Variants in DLG4 observed in about 807,000 individuals in gnomAD.
DLG4 encodes disks large homolog 4.
A neutral mutation model predicts 93.8 loss-of-function variants in DLG4; 7 were observed. The ratio of observed to expected loss-of-function variants is 0.07; its 90% CI spans 0.04 to 0.14. DLG4 has a LOEUF of 0.14. Ranked by LOEUF, DLG4 falls within the 10% of genes least tolerant of loss-of-function variation. The pLI, the probability that DLG4 is intolerant of heterozygous loss-of-function variation, is 1.00. For synonymous variants in DLG4, 341 were observed against 387.6 expected (o/e 0.88, Z 1.41); for missense variants, 545 against 992.9 (o/e 0.55, Z 6.06).
At chr17:7,202,790 C>T (rs1318599507) in intron 8 of DLG4, 113 bp downstream of exon 8, 2 of 1,332,896 alleles carry the variant, frequency 1.5e-6, no homozygotes, top group South Asian at 2.6e-5. Context: ...GAGGTTGTGG[C>T]TATTTCATAG....
Position 7,187,434 on chromosome 17 carries a change from T to C in DLG4, c.*3274A>G, listed in dbSNP as rs1333722422. Among the ~76,000 whole-genome samples the C allele has an allele frequency of 6.6e-6, 1 of 151,152 alleles. No homozygotes were observed. The highest frequency in any genetic ancestry group is 1.5e-5 in the Non-Finnish European group (1 of 67,922). ...GGTGGCATGCACCTGTAATCCCAGC[T>C]ACTCGGGAGGCTGAGGCAGGAGAAT... On this transcript the variant is annotated 3_prime_UTR_variant, in exon 20 of 20. Coordinates refer to ENST00000399506, the MANE Select transcript of DLG4 (RefSeq NM_001321075.3).
Position 7,191,930 on chromosome 17 carries a change from C to T in DLG4, c.1939G>A (p.Ala647Thr). Residue 647 changes from alanine (A) to threonine (T), a missense_variant, in exon 18 of 20, where the codon GCC (alanine) becomes ACC (threonine). By Grantham distance (58) the Ala-to-Thr change is moderately conservative. Coordinates refer to ENST00000399506, the MANE Select transcript of DLG4 (RefSeq NM_001321075.3). This position sits in a 1 kb window ranked among gnomAD's most constrained non-coding sequence, Gnocchi z 6.6. ...AGGGAGCGGGGGCGGATGAAGATGG[C>T]GATGGGGTGCAGGTGGGCCGCCTGC... ...RLQAAHLHPI[A>T]IFIRPRSLEN... is the part of the protein sequence containing the mutation. The T allele has an allele frequency of 2.7e-6, 4 of 1,493,354 alleles. No individual in the cohort carries two copies. Among genetic ancestry groups the T allele is most frequent in the South Asian group, 2.8e-5 (2 of 72,672 alleles). The allele number at this position is 1,493,354 out of a possible 1,614,324, so 92.5% of individuals were successfully genotyped here.
chr17:7,189,627 C>T lies in DLG4; in HGVS notation c.*1081G>A, dbSNP rs1306893880. 2.0e-5 allele frequency among the ~76,000 whole-genome samples: 3 copies of T among 152,182 alleles called. No homozygotes were observed. The highest frequency in any genetic ancestry group is 4.8e-5 in the African/African-American group (2 of 41,450). On this transcript the variant is annotated 3_prime_UTR_variant, in exon 20 of 20. Coordinates refer to ENST00000399506, the MANE Select transcript of DLG4 (RefSeq NM_001321075.3). ...GCTTCCCAACAGGACTGAGACAGCC[C>T]GGCAGGGATCAGAGCTGGACTAAGT...
intron 8 of DLG4, among the ~76,000 whole-genome samples, chr17:7,199,273 C>G (rs1440966138): frequency 6.6e-6 from 1 of 151,884 alleles, no homozygotes; most frequent in Admixed American, 6.6e-5. Context: ...GATCTTGGCT[C>G]ACTGCAACCT....
In DLG4 at chr17:7,217,285, GA is replaced by G. The variant is rs1274709888; in HGVS notation, c.-139del. On this transcript the variant is annotated 5_prime_UTR_variant, in exon 1 of 20. Transcript: ENST00000399506. The stretch of plus-strand genomic sequence containing the variant: ...GGGGCCAGGATGGGGGGAGGGGTGA[GA>G]GGGGAAGGAGGGGGTTGGAGAAGGG... 3.1e-5 allele frequency: 32 copies of G among 1,048,932 alleles called. No homozygotes were observed. Among genetic ancestry groups the G allele is most frequent in the Admixed American group, 4.7e-5 (1 of 21,450 alleles). 65.0% of individuals were successfully genotyped at this position (1,048,932 alleles called of 1,614,324 possible).
chr17:7,191,130 G>T lies in DLG4; in HGVS notation c.2068+137C>A. ...GATTACAGGTGCCCGCCAGTGCTGG[G>T]ATTACAGGCGTGAGCCACCATGCCG... On this transcript the variant is annotated intron_variant, in intron 19 of 19. Transcript: ENST00000399506. The surrounding 1 kb of genome is among the most constrained non-coding windows in gnomAD (Gnocchi z 6.6). The T allele has an allele frequency of 1.3e-6, 1 of 761,320 alleles. No homozygotes were observed. The highest frequency in any genetic ancestry group is 2.2e-6 in the Non-Finnish European group (1 of 456,528). The allele number at this position is 761,320 out of a possible 1,614,324, so 47.2% of individuals were successfully genotyped here.
At chr17:7,204,880 C>A in intron 2 of DLG4, 1 of 929,680 alleles carries the variant, frequency 1.1e-6, no homozygotes, top group Non-Finnish European at 1.3e-6. Context: ...CAATCCACCC[C>A]TTCCTCTAAG....
At chr17:7,204,099 A>T in intron 3 of DLG4, 32 bp from the exon 4 acceptor site, 1 of 1,603,928 alleles carries the variant, frequency 6.2e-7, no homozygotes, top group Non-Finnish European at 8.5e-7. Context: ...AAGCAGTGAG[A>T]CAGACATTCC....
At position 7,191,244 on chromosome 17, in the gene DLG4, C is replaced by G. The variant is rs745704934; in HGVS notation, c.2068+23G>C. The G allele has an allele frequency of 6.2e-7, 1 of 1,612,626 alleles. No homozygotes were observed. Among genetic ancestry groups the G allele is most frequent in the Non-Finnish European group, 8.5e-7 (1 of 1,178,778 alleles). On this transcript the variant is annotated intron_variant, in intron 19 of 19. Transcript: ENST00000399506. The surrounding 1 kb of genome is among the most constrained non-coding windows in gnomAD (Gnocchi z 6.6). ...CGAGCAAGGGCACCCTACATGCTGG[C>G]AACAGCCTTGCTGTGGCCTCACCTG... is the stretch of plus-strand genomic sequence containing the variant.
chr17:7,193,142 C>T lies in DLG4; in HGVS notation c.1694-25G>A, dbSNP rs377215728. ...TCTGCCAGGAAGTCACCCCACCCCC[C>T]AAAGATCTAACCACCATCCCTCTAG... On this transcript the variant is annotated intron_variant, in intron 16 of 19. Transcript: ENST00000399506. This position sits in a 1 kb window ranked among gnomAD's most constrained non-coding sequence, Gnocchi z 6.7. The T allele has an allele frequency of 8.7e-6, 14 of 1,612,534 alleles. No homozygotes were observed. The African/African-American group carries it at 9.4e-5, about 11-fold the overall frequency.
At chr17:7,192,178 G>C (rs548150063) in intron 17 of DLG4, 176 bp from the exon 18 acceptor site, 12 of 460,182 alleles carry the variant, frequency 2.6e-5, no homozygotes, top group African/African-American at 2.4e-4. Flanking sequence ...GGTATGGACA[G>C]AGTAAAAGAC....
At chr17:7,202,719 C>A (rs35355120) in intron 8 of DLG4, 184 bp downstream of exon 8, 9 of 787,212 alleles carry the variant, frequency 1.1e-5, no homozygotes, top group Non-Finnish European at 1.8e-5. Flanking sequence ...CGTTGACGAT[C>A]TTTTCTAGTT....
In DLG4 at chr17:7,196,847, C is replaced by T. The variant is rs1567532750; in HGVS notation, c.993G>A (p.Glu331=). 1 of 1,613,738 alleles carries T rather than the reference C, an allele frequency of 6.2e-7. No homozygotes were observed. Among genetic ancestry groups the T allele is most frequent in the Non-Finnish European group, 8.5e-7 (1 of 1,179,816 alleles). Residue 331 remains glutamate, a synonymous_variant, in exon 9 of 20, where the codon GAG becomes GAA. Transcript: ENST00000399506. The surrounding 1 kb of genome is among the most constrained non-coding windows in gnomAD (Gnocchi z 8.3). ...AGGAGATGAAGATGCCTTCACCGTC[C>T]TCGCCACCCACGATGTTGAAGCCCA... The part of the protein sequence containing the change: ...TGLGFNIVGG[E]DGEGIFISFI...
upstream of DLG4, chr17:7,218,230 C>G (rs1377627972): frequency 6.2e-7 from 1 of 1,606,758 alleles, no homozygotes; most frequent in African/African-American, 1.3e-5. Flanking sequence ...CGCTCGCCCC[C>G]ACCTCCTTAC....
chr17:7,192,548 G>T, intron 17 of DLG4: 1 of 248,776 alleles, frequency 4.0e-6, no homozygotes, highest in Non-Finnish European at 7.8e-6. Flanking sequence ...GCAGAGGAGT[G>T]GGAGAGGGGA....
intron 2 of DLG4, among the ~76,000 whole-genome samples, chr17:7,206,120 C>T (rs1010126465): frequency 6.6e-6 from 1 of 151,966 alleles, no homozygotes; most frequent in African/African-American, 2.4e-5. Flanking sequence ...GACAAGGTCT[C>T]GCTGTGTCAC....
At chr17:7,204,435 G>A in intron 2 of DLG4, 183 bp from the exon 3 acceptor site, 1 of 613,032 alleles carries the variant, frequency 1.6e-6, no homozygotes, top group Non-Finnish European at 2.9e-6. Flanking sequence ...GCGTGCACAT[G>A]CGCACGCGCA....
At position 7,191,207 on chromosome 17, in the gene DLG4, C is replaced by T; in HGVS notation, c.2068+60G>A. 6.5e-7 allele frequency: 1 copy of T among 1,542,066 alleles called. No homozygotes were observed. The highest frequency in any genetic ancestry group is 1.1e-5 in the South Asian group (1 of 89,230). ...CCATCCACTGGGGGTGGCGGGGGAG[C>T]TCTTTCTAATCCGAGCAAGGGCACC... On this transcript the variant is annotated intron_variant, in intron 19 of 19. Transcript: ENST00000399506. This position sits in a 1 kb window ranked among gnomAD's most constrained non-coding sequence, Gnocchi z 6.6.
chr17:7,189,132 G>T lies in DLG4; in HGVS notation c.*1576C>A, dbSNP rs996475713. ...GTCTCAAAAAAAAAAAAAAAAGGGT[G>T]GGGGGGGCGCATAAAGAAACCTAGC... is the stretch of plus-strand genomic sequence containing the variant. On this transcript the variant is annotated 3_prime_UTR_variant, in exon 20 of 20. Coordinates refer to ENST00000399506, the MANE Select transcript of DLG4 (RefSeq NM_001321075.3). Among the ~76,000 whole-genome samples the T allele has an allele frequency of 1.3e-4, 18 of 135,500 alleles. No homozygotes were observed. Among genetic ancestry groups the T allele is most frequent in the African/African-American group, 4.3e-4 (13 of 30,526 alleles). The allele number at this position is 135,500 out of a possible 152,430, so 88.9% of individuals were successfully genotyped here. A position where few individuals can be genotyped will look rare whatever the true frequency, so the allele number is the denominator to read the frequency against.
Sources: allele counts gnomAD v4.1 joint callset (sites outside exome capture counted in the v4.1 genomes callset), GRCh38; gene constraint gnomAD v4.1.1; non-coding constraint Gnocchi (gnomAD v3.1); transcripts MANE v1.5; gene names NCBI Gene and HGNC (gene_info 2026-07-23, HGNC 2026-07-21).